PLCXD1: variants seen among roughly 807,000 people sequenced by gnomAD.
The protein encoded by PLCXD1 is PI-PLC X domain-containing protein 1.
PLCXD1 carries 45 observed loss-of-function variants against 37.8 expected under a neutral mutation model. The observed-to-expected ratio is 1.19, with a 90% CI of 0.94 to 1.53. PLCXD1 has a LOEUF of 1.53. PLCXD1 is among the 40% of genes most tolerant of loss of function. The pLI, the probability that PLCXD1 is intolerant of heterozygous loss-of-function variation, is 0.00. For synonymous variants in PLCXD1, 246 were observed against 206.9 expected (o/e 1.19, Z -1.62); for missense variants, 539 against 454.7 (o/e 1.19, Z -1.69).
intron 6 of PLCXD1, among the ~76,000 whole-genome samples, chrX:296,753 T>A: frequency 6.6e-6 from 1 of 152,060 alleles, no homozygotes; most frequent in South Asian, 2.1e-4. Context: ...GATAAGAATG[T>A]GGACAAGTTT....
At chrX:290,309 A>G (rs2069587759) in intron 3 of PLCXD1, among the ~76,000 whole-genome samples, 3 of 152,012 alleles carry the variant, frequency 2.0e-5, no homozygotes, top group South Asian at 2.1e-4. Context: ...GGGCGCCTGC[A>G]GTCCCAGCTA....
intron 3 of PLCXD1, 83 bp from the exon 4 acceptor site, chrX:290,565 G>T (rs1407610533): frequency 6.7e-7 from 1 of 1,486,468 alleles, no homozygotes; most frequent in East Asian, 2.3e-5. Flanking sequence ...GGACATGCGG[G>T]TGGGCCAACC....
At chrX:291,280 G>A (rs940720156) in intron 4 of PLCXD1, among the ~76,000 whole-genome samples, 3 of 151,952 alleles carry the variant, frequency 2.0e-5, no homozygotes, top group African/African-American at 7.3e-5. Flanking sequence ...CAAGTAGCTG[G>A]GATTACAGAC....
intron 6 of PLCXD1, among the ~76,000 whole-genome samples, chrX:294,654 A>G (rs2069747629): frequency 6.6e-6 from 1 of 151,182 alleles, no homozygotes; most frequent in Admixed American, 6.6e-5. Context: ...AAAGAGAAAA[A>G]TTAGCCAGGC....
intron 2 of PLCXD1, among the ~76,000 whole-genome samples, chrX:287,108 G>A (rs1379884748): frequency 6.6e-6 from 1 of 151,948 alleles, no homozygotes; most frequent in African/African-American, 2.4e-5. Flanking sequence ...AGGATCACTT[G>A]AGTTTAGGAG....
At chrX:286,989 TC>T (rs1408235687) in intron 2 of PLCXD1, among the ~76,000 whole-genome samples, 1 of 151,728 alleles carries the variant, frequency 6.6e-6, no homozygotes, top group Non-Finnish European at 1.5e-5. Context: ...GGGTCCACGT[TC>T]CTCAGAGGAT....
At chrX:280,069 G>A (rs1389016881), upstream of PLCXD1, among the ~76,000 whole-genome samples, 2 of 152,174 alleles carry the variant, frequency 1.3e-5, no homozygotes, top group African/African-American at 2.4e-5. Context: ...GGCCGGTTTC[G>A]AACTCCTGAC....
upstream of PLCXD1, among the ~76,000 whole-genome samples, chrX:278,710 G>A (rs1225670970): frequency 6.9e-6 from 1 of 143,938 alleles, no homozygotes; most frequent in Non-Finnish European, 1.5e-5. Flanking sequence ...CTGCACTCCA[G>A]CCTGGGAGAC....
In PLCXD1 at chrX:299,250, C is replaced by G. The variant is rs2069920673; in HGVS notation, c.887C>G (p.Thr296Ser). ...EQCPGPGSRC[T>S]NIIAGDFIGA... ...TGCCCGGGGCCGGGTTCACGGTGCA[C>G]CAACATCATCGCGGGGGACTTCATC... is the stretch of plus-strand genomic sequence containing the variant. Residue 296 changes from threonine (T) to serine (S), a missense_variant, in exon 7 of 7, where the codon ACC becomes AGC. Coordinates refer to ENST00000381657, the MANE Select transcript of PLCXD1 (RefSeq NM_018390.4). 6.2e-7 allele frequency: 1 copy of G among 1,613,924 alleles called. No homozygotes were observed. The highest frequency in any genetic ancestry group is 1.1e-5 in the South Asian group (1 of 91,078).
intron 2 of PLCXD1, among the ~76,000 whole-genome samples, chrX:284,635 TCTG>T (rs1233481834): frequency 2.7e-5 from 4 of 147,438 alleles, no homozygotes; most frequent in Non-Finnish European, 3.0e-5. Flanking sequence ...CACACGCACA[TCTG>T]CACACACACA....
In PLCXD1 at chrX:299,346, C is replaced by T. The variant is rs369112196; in HGVS notation, c.*11C>T. ...CTGCTGTGGTGCTGACGGGACCCTT[C>T]TGAAGTTCGGGACGCGGCGGCTGCA... On this transcript the variant is annotated 3_prime_UTR_variant, in exon 7 of 7. Transcript: ENST00000381657. The T allele has an allele frequency of 5.0e-5, 79 of 1,593,710 alleles. No individual in the cohort carries two copies. Among genetic ancestry groups the T allele is most frequent in the Middle Eastern group, 1.7e-4 (1 of 6,030 alleles).
intron 2 of PLCXD1, among the ~76,000 whole-genome samples, chrX:284,761 G>A (rs1423637344): frequency 9.9e-6 from 1 of 101,340 alleles, no homozygotes; most frequent in African/African-American, 3.4e-5. Flanking sequence ...ATTTATAAAA[G>A]AGGTTTAATG....
At chrX:296,111 CTTTT>C (rs1222373763) in intron 6 of PLCXD1, among the ~76,000 whole-genome samples, 1 of 151,070 alleles carries the variant, frequency 6.6e-6, no homozygotes, top group Non-Finnish European at 1.5e-5. Flanking sequence ...TGTGCCCGGC[CTTTT>C]TTTGTTTGTT....
chrX:289,156 C>T (rs938364037), intron 3 of PLCXD1, among the ~76,000 whole-genome samples: 9 of 152,166 alleles, frequency 5.9e-5, no homozygotes, highest in East Asian at 1.9e-4. Flanking sequence ...GGCGTGATCT[C>T]GGCTCACTGC....
chrX:290,263 T>A (rs902112252), intron 3 of PLCXD1, among the ~76,000 whole-genome samples: 2 of 152,024 alleles, frequency 1.3e-5, no homozygotes. Context: ...ACATCTCTAC[T>A]AAAAATACAA....
chrX:291,750 T>C (rs2069643923), intron 5 of PLCXD1, 96 bp downstream of exon 5: 12 of 1,341,976 alleles, frequency 8.9e-6, no homozygotes, highest in Non-Finnish European at 1.3e-5. Flanking sequence ...GGTGCTGCCA[T>C]GATTCCTGTA....
intron 3 of PLCXD1, among the ~76,000 whole-genome samples, chrX:289,992 C>T (rs1420978495): frequency 2.0e-5 from 3 of 152,056 alleles, no homozygotes; most frequent in Non-Finnish European, 2.9e-5. Context: ...GAGTCTCGCT[C>T]TCTCACCCAG....
intron 1 of PLCXD1, chrX:283,576 C>CCGGGTGGGGGCGGCCTTGGTGTCAGGCA (rs1569564382): frequency 8.2e-5 from 10 of 121,850 alleles, no homozygotes; most frequent in African/African-American, 2.1e-4. Context: ...GGTGTCAGGC[C>CCGGGTGGGGGCGGCCTTGGTGTCAGGCA]CGGGTGGGGG....
At chrX:286,796 A>G (rs2069461543) in intron 2 of PLCXD1, among the ~76,000 whole-genome samples, 1 of 152,046 alleles carries the variant, frequency 6.6e-6, no homozygotes, top group Non-Finnish European at 1.5e-5. Flanking sequence ...TTGTCTGGCT[A>G]TTTATCTTAC....
Sources: gnomAD v4.1 joint callset for allele counts (sites outside exome capture counted in the v4.1 genomes callset) on GRCh38, gnomAD v4.1.1 for gene constraint, MANE v1.5 for transcripts, NCBI Gene and HGNC (gene_info 2026-07-23, HGNC 2026-07-21) for gene names.